The following ARB2A variants were observed in gnomAD, a reference collection of about 807,000 sequenced individuals.
The protein encoded by ARB2A is cotranscriptional regulator ARB2A.
At chr5:93,912,366 A>T in the ARB2A span, among the ~76,000 whole-genome samples, 1 of 151,840 alleles carries the variant, frequency 6.6e-6, no homozygotes, top group African/African-American at 2.4e-5. Flanking sequence ...TCATTAGTGT[A>T]ATTTGGATTT....
At chr5:94,013,760 A>C in the ARB2A span, among the ~76,000 whole-genome samples, 8 of 152,128 alleles carry the variant, frequency 5.3e-5, no homozygotes, top group Non-Finnish European at 1.0e-4. Flanking sequence ...TCCCCTACAA[A>C]AAAAACAAAA....
chr5:93,885,491 C>T, the ARB2A span, among the ~76,000 whole-genome samples: 1 of 151,548 alleles, frequency 6.6e-6, no homozygotes, highest in Non-Finnish European at 1.5e-5. Flanking sequence ...AATTATCTAG[C>T]ATTCTACAAC....
At chr5:93,754,054 A>T in the ARB2A span, among the ~76,000 whole-genome samples, 1 of 152,200 alleles carries the variant, frequency 6.6e-6, no homozygotes, top group Admixed American at 6.5e-5. Context: ...TGCCTAGAGC[A>T]CTGTACAAAT....
chr5:93,684,068 T>C, the ARB2A span, among the ~76,000 whole-genome samples: 1 of 152,194 alleles, frequency 6.6e-6, no homozygotes, highest in Non-Finnish European at 1.5e-5. Flanking sequence ...GTGTAAGCCA[T>C]GATAGCAATG....
At chr5:93,923,405 T>G in the ARB2A span, among the ~76,000 whole-genome samples, 1 of 152,184 alleles carries the variant, frequency 6.6e-6, no homozygotes, top group Non-Finnish European at 1.5e-5. Context: ...CCTGCATTTT[T>G]AAAGAGTCAA....
chr5:93,804,468 T>C, the ARB2A span, among the ~76,000 whole-genome samples: 1 of 151,880 alleles, frequency 6.6e-6, no homozygotes, highest in Non-Finnish European at 1.5e-5. Flanking sequence ...AACATTTTCG[T>C]TAAGATGATA....
At chr5:94,087,654 CACTT>C in the ARB2A span, among the ~76,000 whole-genome samples, 9 of 152,196 alleles carry the variant, frequency 5.9e-5, no homozygotes, top group Non-Finnish European at 1.0e-4. Flanking sequence ...ACTCACCACT[CACTT>C]ACTCACTCAG....
chr5:93,621,818 C>A, the ARB2A span, among the ~76,000 whole-genome samples: 1 of 151,950 alleles, frequency 6.6e-6, no homozygotes, highest in Non-Finnish European at 1.5e-5. Flanking sequence ...TCCTGGCGGG[C>A]GACATTTTTA....
the ARB2A span, among the ~76,000 whole-genome samples, chr5:93,785,341 G>T: frequency 6.6e-6 from 1 of 151,998 alleles, no homozygotes; most frequent in Non-Finnish European, 1.5e-5. Context: ...TACTAACCTT[G>T]CATTTCATAA....
At chr5:93,735,280 C>G in the ARB2A span, 2 of 152,204 alleles carry the variant, frequency 1.3e-5, no homozygotes. Flanking sequence ...TCTCTTTTCA[C>G]AGCAAGTCAA....
the ARB2A span, among the ~76,000 whole-genome samples, chr5:93,666,135 T>C: frequency 6.6e-6 from 1 of 152,170 alleles, no homozygotes; most frequent in Non-Finnish European, 1.5e-5. Flanking sequence ...GGTAGTGTCA[T>C]ACAAACTGAA....
the ARB2A span, among the ~76,000 whole-genome samples, chr5:93,883,452 C>T: frequency 6.6e-6 from 1 of 151,310 alleles, no homozygotes; most frequent in East Asian, 1.9e-4. Context: ...AAAGTTTTAC[C>T]AACAAAAGAT....
chr5:93,768,221 G>C, the ARB2A span, among the ~76,000 whole-genome samples: 176 of 151,366 alleles, frequency 1.2e-3, no homozygotes, highest in African/African-American at 4.0e-3. Flanking sequence ...TGGTGCAAGG[G>C]ATAAAATACT....
the ARB2A span, among the ~76,000 whole-genome samples, chr5:93,875,116 C>T: frequency 6.6e-6 from 1 of 152,172 alleles, no homozygotes; most frequent in African/African-American, 2.4e-5. Flanking sequence ...GCTAAGGCAC[C>T]TGGCTACATA....
chr5:93,677,355 CCT>C, the ARB2A span, among the ~76,000 whole-genome samples: 4 of 152,148 alleles, frequency 2.6e-5, no homozygotes, highest in Non-Finnish European at 5.9e-5. Context: ...ATTCTGTCTC[CCT>C]CTGTTAAGGG....
chr5:93,840,948 C>A, the ARB2A span, among the ~76,000 whole-genome samples: 1 of 152,070 alleles, frequency 6.6e-6, no homozygotes, highest in Non-Finnish European at 1.5e-5. Flanking sequence ...TGTGATTGGG[C>A]CATACTGCCA....
chr5:93,939,974 AG>A, the ARB2A span, among the ~76,000 whole-genome samples: 1 of 151,924 alleles, frequency 6.6e-6, no homozygotes, highest in Admixed American at 6.6e-5. Flanking sequence ...TTAAACTCAG[AG>A]TGTATACCTA....
chr5:93,893,026 T>C, the ARB2A span, among the ~76,000 whole-genome samples: 1 of 152,190 alleles, frequency 6.6e-6, no homozygotes, highest in Non-Finnish European at 1.5e-5. Context: ...GGTGCAACAG[T>C]TCCGATTAAA....
chr5:94,081,808 G>T, the ARB2A span, among the ~76,000 whole-genome samples: 1 of 151,948 alleles, frequency 6.6e-6, no homozygotes, highest in Non-Finnish European at 1.5e-5. Flanking sequence ...TGTATTAAAT[G>T]GTTCTCTCTC....
Sources: allele counts gnomAD v4.1 joint callset (sites outside exome capture counted in the v4.1 genomes callset), GRCh38; gene constraint gnomAD v4.1.1; transcripts MANE v1.5; gene names NCBI Gene and HGNC (gene_info 2026-07-23, HGNC 2026-07-21).